ZNF469: variants seen among roughly 807,000 people sequenced by gnomAD.
The protein encoded by ZNF469 is zinc finger protein 469.
Under a neutral mutation model 1.0 loss-of-function variants are expected in ZNF469, and 1 was observed. That is an observed-to-expected ratio of 1.00 (90% confidence interval 0.35 to 4.73). The LOEUF (loss-of-function observed/expected upper bound fraction) is 4.73. ZNF469 is among the 30% of genes most tolerant of loss of function. ZNF469 has a pLI of 0.16. For synonymous variants in ZNF469, 2,703 were observed against 2,363.4 expected (o/e 1.14, Z -4.17); for missense variants, 6,100 against 5,356.3 (o/e 1.14, Z -4.33).
the ZNF469 span, among the ~76,000 whole-genome samples, chr16:88,154,910 C>G: frequency 6.6e-6 from 1 of 152,216 alleles, no homozygotes; most frequent in African/African-American, 2.4e-5. Context: ...TCATCTACAT[C>G]CAGGAACAGC....
At chr16:88,406,469 A>G (rs1194820604) in intron 1 of ZNF469, among the ~76,000 whole-genome samples, 3 of 152,212 alleles carry the variant, frequency 2.0e-5, no homozygotes, top group Non-Finnish European at 4.4e-5. Flanking sequence ...GCCCATGGCC[A>G]GGGTCCAGGT....
At chr16:88,394,772 C>T (rs897679268) in intron 1 of ZNF469, among the ~76,000 whole-genome samples, 12 of 152,248 alleles carry the variant, frequency 7.9e-5, no homozygotes, top group Non-Finnish European at 2.9e-5. Context: ...CCTCTCAGAG[C>T]GTGACAACAG....
At chr16:88,209,658 T>G in the ZNF469 span, among the ~76,000 whole-genome samples, 5 of 152,318 alleles carry the variant, frequency 3.3e-5, no homozygotes, top group East Asian at 1.9e-4. Flanking sequence ...GAAGATGGCA[T>G]GTTAGAGATA....
At position 88,429,077 on chromosome 16, in the gene ZNF469, C is replaced by G; in HGVS notation, c.1607C>G (p.Ala536Gly). Residue 536 changes from alanine to glycine, a missense_variant, in exon 3 of 3, where the codon GCC becomes GGC. Transcript: ENST00000565624. ...KTPGPREKLP[A>G]VRSSQGGSPA... ...CCGGGACCCAGAGAGAAGCTGCCAGCCGTGAGAAGCAGCCAGGGCGGCTCC... is the reference window on the plus strand; with the variant it reads ...CCGGGACCCAGAGAGAAGCTGCCAGGCGTGAGAAGCAGCCAGGGCGGCTCC... 6.5e-7 allele frequency: 1 copy of G among 1,550,004 alleles called. No homozygotes were observed. The highest frequency in any genetic ancestry group is 2.4e-5 in the East Asian group (1 of 40,906).
upstream of ZNF469, among the ~76,000 whole-genome samples, chr16:88,379,902 G>A (rs531858725): frequency 1.3e-5 from 2 of 152,294 alleles, no homozygotes; most frequent in African/African-American, 2.4e-5. Flanking sequence ...TGACTGGCCC[G>A]GAGTGGGTAC....
Position 88,439,164 on chromosome 16 carries a change from G to T in ZNF469, c.11694G>T (p.Gly3898=). 1 of 1,550,534 alleles carries T rather than the reference G, an allele frequency of 6.4e-7. No homozygotes were observed. Among genetic ancestry groups the T allele is most frequent in the South Asian group, 1.2e-5 (1 of 84,068 alleles). Residue 3898 remains glycine (G), a synonymous_variant, in exon 3 of 3, where the codon GGG becomes GGT. Transcript: ENST00000565624. ...GACTGGGCAAGGCCTTCCCCCAGGG[G>T]AGACCCCTGCTCAGGCCCCCCAAGA... The part of the protein sequence containing the change: ...KDRLGKAFPQ[G]RPLLRPPKRG...
At chr16:88,248,824 C>T in the ZNF469 span, among the ~76,000 whole-genome samples, 4 of 152,188 alleles carry the variant, frequency 2.6e-5, no homozygotes, top group Non-Finnish European at 5.9e-5. Flanking sequence ...CAGAAGCCAG[C>T]TGTCGGGCTG....
chr16:88,366,430 G>C, the ZNF469 span, among the ~76,000 whole-genome samples: 1 of 127,662 alleles, frequency 7.8e-6, no homozygotes, highest in Non-Finnish European at 1.6e-5. Flanking sequence ...CATCACTATT[G>C]TCACCACAAC....
At chr16:88,183,191 G>A in the ZNF469 span, among the ~76,000 whole-genome samples, 2 of 152,196 alleles carry the variant, frequency 1.3e-5, no homozygotes, top group African/African-American at 4.8e-5. Context: ...TGAAAATGCC[G>A]CGCGCCTGGA....
the ZNF469 span, among the ~76,000 whole-genome samples, chr16:88,124,575 C>T: frequency 0.82 from 123,884 of 151,916 alleles, 51,159 homozygotes; most frequent in Middle Eastern, 0.91. Context: ...GAAGTGTTTT[C>T]TGTTTGTTTG....
chr16:88,274,558 C>T, the ZNF469 span, among the ~76,000 whole-genome samples: 910 of 152,334 alleles, frequency 6.0e-3, 7 homozygotes, highest in African/African-American at 0.021. Flanking sequence ...GGCTGGTGTC[C>T]GGGCGGGGCC....
the ZNF469 span, among the ~76,000 whole-genome samples, chr16:88,325,950 G>C: frequency 6.6e-6 from 1 of 152,236 alleles, no homozygotes; most frequent in South Asian, 2.1e-4. Flanking sequence ...GAGCAATAGA[G>C]CTAACAACAC....
At chr16:88,401,320 G>T (rs1904846236) in intron 1 of ZNF469, among the ~76,000 whole-genome samples, 1 of 152,254 alleles carries the variant, frequency 6.6e-6, no homozygotes, top group South Asian at 2.1e-4. Context: ...GGACAGTACG[G>T]CAGTGGCTTA....
At chr16:88,275,226 A>G in the ZNF469 span, among the ~76,000 whole-genome samples, 1,229 of 152,296 alleles carry the variant, frequency 8.1e-3, 19 homozygotes, top group African/African-American at 0.028. Flanking sequence ...ACGATCCTAC[A>G]TAAAATGGGG....
the ZNF469 span, among the ~76,000 whole-genome samples, chr16:88,182,546 A>G: frequency 0.15 from 22,081 of 150,440 alleles, 2,037 homozygotes; most frequent in East Asian, 0.35. Flanking sequence ...CAAACAAGTC[A>G]GTCAACAAAA....
chr16:88,421,712 G>A (rs1298515769), intron 1 of ZNF469, among the ~76,000 whole-genome samples: 2 of 152,262 alleles, frequency 1.3e-5, no homozygotes, highest in Non-Finnish European at 2.9e-5. Flanking sequence ...AGGCAGTGGG[G>A]TGGGGCCACC....
At chr16:88,349,852 AGTG>A in the ZNF469 span, among the ~76,000 whole-genome samples, 74 of 840 alleles carry the variant, frequency 0.088, no homozygotes, top group Admixed American at 0.16. Flanking sequence ...ACCACACACA[AGTG>A]CACACACACC....
the ZNF469 span, among the ~76,000 whole-genome samples, chr16:88,346,956 C>G: frequency 6.6e-6 from 1 of 152,084 alleles, no homozygotes; most frequent in Non-Finnish European, 1.5e-5. Flanking sequence ...GGAGAAGGCC[C>G]TCGTTCCCAG....
chr16:88,368,327 C>T, the ZNF469 span, among the ~76,000 whole-genome samples: 3 of 152,226 alleles, frequency 2.0e-5, no homozygotes, highest in Non-Finnish European at 2.9e-5. Flanking sequence ...TGGGCCTGGA[C>T]GCCATCCCTG....
Sources: gnomAD v4.1 joint callset for allele counts (sites outside exome capture counted in the v4.1 genomes callset) on GRCh38, gnomAD v4.1.1 for gene constraint, MANE v1.5 for transcripts, NCBI Gene and HGNC (gene_info 2026-07-23, HGNC 2026-07-21) for gene names.